The following SLC16A12 variants were observed in gnomAD, a reference collection of about 807,000 sequenced individuals.
SLC16A12 encodes the protein monocarboxylate transporter 12.
SLC16A12 carries 17 observed loss-of-function variants against 42.4 expected under a neutral mutation model. The observed-to-expected ratio is 0.40, with a 90% CI of 0.27 to 0.60. The LOEUF (loss-of-function observed/expected upper bound fraction) is 0.60, where lower values mean the gene tolerates loss of function less well. Among genes scored for constraint, SLC16A12 ranks in the 20% least tolerant of loss-of-function variants. The probability of loss-of-function intolerance (pLI) is 0.42; values close to 1 mark genes in which losing one functional copy is unlikely to be tolerated. For synonymous variants in SLC16A12, 224 were observed against 229.4 expected (o/e 0.98, Z 0.21); for missense variants, 544 against 623.0 (o/e 0.87, Z 1.35).
At chr10:89,503,646 G>C (rs1343907436) in intron 2 of SLC16A12, among the ~76,000 whole-genome samples, 1 of 152,168 alleles carries the variant, frequency 6.6e-6, no homozygotes, top group Non-Finnish European at 1.5e-5. Context: ...AAGACCATGG[G>C]GCCAGGTGAG....
rs1842319701 is a variant in SLC16A12 at position 89,462,548 on chromosome 10, A to G, written c.31T>C (p.Ser11Pro). 6.2e-7 allele frequency: 1 copy of G among 1,611,958 alleles called. No individual in the cohort carries two copies. Among genetic ancestry groups the G allele is most frequent in the Non-Finnish European group, 8.5e-7 (1 of 1,179,652 alleles). Residue 11 changes from serine to proline, a missense_variant, in exon 3 of 8, where the codon TCT (serine) becomes CCT (proline). Transcript: ENST00000371790. ...AACAGCCAAGTTATGATCTTGGAAG[A>G]GTTTGCTGTCCAGTGACTTCCTGAT... is the stretch of plus-strand genomic sequence containing the variant. MPSGSHWTANSSKIITWLLEQ... is the reference protein window; with the variant it reads MPSGSHWTANPSKIITWLLEQ...
intron 3 of SLC16A12, among the ~76,000 whole-genome samples, chr10:89,448,296 A>AAC (rs146059729): frequency 3.3e-5 from 5 of 151,610 alleles, no homozygotes; most frequent in Non-Finnish European, 5.9e-5. Flanking sequence ...GTCTGGCAAA[A>AAC]ACACACACAC....
chr10:89,507,497 T>C (rs534324963), intron 2 of SLC16A12, among the ~76,000 whole-genome samples: 3 of 152,232 alleles, frequency 2.0e-5, no homozygotes, highest in Admixed American at 6.5e-5. Context: ...GAAGAAGAAA[T>C]AAAATTCTTT....
At chr10:89,442,597 C>A (rs890972846) in intron 4 of SLC16A12, among the ~76,000 whole-genome samples, 1 of 151,270 alleles carries the variant, frequency 6.6e-6, no homozygotes, top group African/African-American at 2.4e-5. Context: ...CAAGTGGTTT[C>A]AAAAAAAAGA....
At chr10:89,437,545 A>G (rs1589658542) in intron 6 of SLC16A12, among the ~76,000 whole-genome samples, 1 of 151,936 alleles carries the variant, frequency 6.6e-6, no homozygotes, top group East Asian at 1.9e-4. Flanking sequence ...GCCTCAGAGT[A>G]GAGATGCCTC....
chr10:89,464,313 G>A lies in SLC16A12; in HGVS notation c.-46-1689C>T, dbSNP rs1041329869. Among the ~76,000 whole-genome samples, 15 of 152,288 alleles carry A rather than the reference G, an allele frequency of 9.8e-5. No individual in the cohort carries two copies. The East Asian group carries it at 2.3e-3, about 24-fold the overall frequency. On this transcript the variant is annotated intron_variant, in intron 2 of 7. Transcript: ENST00000371790. ...GCAGCTTTGTGATACCCTTAGCCAA[G>A]GACCCAGCTAAGCTATTTCTGGATT...
At chr10:89,499,576 G>A (rs538654706) in intron 2 of SLC16A12, among the ~76,000 whole-genome samples, 3 of 152,234 alleles carry the variant, frequency 2.0e-5, no homozygotes, top group Admixed American at 6.5e-5. Flanking sequence ...AATCAAGATA[G>A]AAATTAAAAA....
At chr10:89,495,071 G>A (rs1321549649) in intron 2 of SLC16A12, among the ~76,000 whole-genome samples, 6 of 152,092 alleles carry the variant, frequency 3.9e-5, no homozygotes, top group Non-Finnish European at 7.4e-5. Context: ...GGAACTGGCC[G>A]GGCATAGTGG....
intron 2 of SLC16A12, among the ~76,000 whole-genome samples, chr10:89,474,712 A>C (rs1044251470): frequency 6.6e-6 from 1 of 152,214 alleles, no homozygotes; most frequent in Non-Finnish European, 1.5e-5. Context: ...AGAATAAGCC[A>C]CAAAGTAATA....
rs1360527759 is a variant in SLC16A12, at chr10:89,486,537, A to C, written c.-46-23913T>G. Among the ~76,000 whole-genome samples the C allele has an allele frequency of 2.0e-5, 3 of 148,610 alleles. No individual in the cohort carries two copies. In the East Asian group the frequency reaches 6.0e-4, roughly 30 times the overall value. On this transcript the variant is annotated intron_variant, in intron 2 of 7. Transcript: ENST00000371790. Reference sequence around the variant, plus strand: ...AATCCAGGAATTCAAAATTACAATGAGCTATTATCAAGCCACTGTACTCCA... The same window carrying C: ...AATCCAGGAATTCAAAATTACAATGCGCTATTATCAAGCCACTGTACTCCA...
intron 2 of SLC16A12, among the ~76,000 whole-genome samples, chr10:89,517,235 A>C (rs938703770): frequency 1.3e-5 from 2 of 152,160 alleles, no homozygotes; most frequent in African/African-American, 4.8e-5. Flanking sequence ...AAAAGAATAA[A>C]AAATAAAAAC....
At chr10:89,464,715 T>A (rs747078280) in intron 2 of SLC16A12, among the ~76,000 whole-genome samples, 96 of 152,220 alleles carry the variant, frequency 6.3e-4, no homozygotes, top group Admixed American at 2.6e-3. Flanking sequence ...TGTGCATCTT[T>A]GAAGCCACTG....
intron 2 of SLC16A12, among the ~76,000 whole-genome samples, chr10:89,495,913 T>C (rs1182133925): frequency 2.0e-5 from 3 of 152,186 alleles, no homozygotes; most frequent in African/African-American, 7.2e-5. Context: ...TTTGGCACCA[T>C]TGTAAAGCCA....
At chr10:89,526,126 G>T (rs932061186) in intron 2 of SLC16A12, among the ~76,000 whole-genome samples, 9 of 151,898 alleles carry the variant, frequency 5.9e-5, no homozygotes, top group Non-Finnish European at 1.0e-4. Context: ...ACCCCATCAT[G>T]CTACCCCCCG....
chr10:89,535,888 T>C (rs754574266), upstream of SLC16A12, among the ~76,000 whole-genome samples: 1 of 152,162 alleles, frequency 6.6e-6, no homozygotes, highest in Non-Finnish European at 1.5e-5. Flanking sequence ...GAGGGAAGCG[T>C]AGCGCGGAAA....
upstream of SLC16A12, among the ~76,000 whole-genome samples, chr10:89,538,902 G>C (rs1564604554): frequency 1.3e-5 from 2 of 152,130 alleles, no homozygotes; most frequent in East Asian, 3.9e-4. Flanking sequence ...GGCAAAATCA[G>C]TTTGGCAATA....
intron 2 of SLC16A12, among the ~76,000 whole-genome samples, chr10:89,511,900 G>A (rs1843167307): frequency 6.6e-6 from 1 of 151,992 alleles, no homozygotes. Flanking sequence ...GCCCCAAAGA[G>A]GAAGCAACCC....
chr10:89,456,599 T>C (rs964976028), intron 3 of SLC16A12, among the ~76,000 whole-genome samples: 3 of 152,150 alleles, frequency 2.0e-5, no homozygotes, highest in African/African-American at 7.2e-5. Context: ...GTTTGTTACA[T>C]AGATAAACGT....
chr10:89,554,095 A>AGAAGGAAGGAAGGAAGGAAGGAAG (rs1564607178), intron 2 of SLC16A12, among the ~76,000 whole-genome samples: 2 of 25,556 alleles, frequency 7.8e-5, no homozygotes, highest in African/African-American at 3.7e-4. Context: ...AAAGAAAGAA[A>AGAAGGAAGGAAGGAAGGAAGGAAG]GAAAGAAGGA....
Sources: gnomAD v4.1 joint callset for allele counts (sites outside exome capture counted in the v4.1 genomes callset) on GRCh38, gnomAD v4.1.1 for gene constraint, MANE v1.5 for transcripts, NCBI Gene and HGNC (gene_info 2026-07-23, HGNC 2026-07-21) for gene names.